Variants in PPP1R42 observed in about 807,000 individuals in gnomAD.
PPP1R42 encodes leucine rich repeat containing 67.
A neutral mutation model predicts 31.0 loss-of-function variants in PPP1R42; 34 were observed. The ratio of observed to expected loss-of-function variants is 1.10; its 90% confidence interval spans 0.83 to 1.46. The LOEUF (loss-of-function observed/expected upper bound fraction) is 1.46. Among genes scored for constraint, PPP1R42 ranks in the 40% most tolerant of loss-of-function variants. PPP1R42 has a pLI of 0.00. For missense variants in PPP1R42, 268 were observed against 303.0 expected, an observed-to-expected ratio of 0.88 and a Z score of 0.86; for synonymous variants, 103 against 109.8, an observed-to-expected ratio of 0.94 and a Z score of 0.39.
intron 3 of PPP1R42, 45 bp downstream of exon 3, chr8:67,014,381 T>C: frequency 8.2e-7 from 1 of 1,213,386 alleles, no homozygotes; most frequent in Non-Finnish European, 1.1e-6. Flanking sequence ...GTAAGTACCA[T>C]AATCATAAAA....
chr8:66,998,424 A>G (rs1211958105), intron 5 of PPP1R42, among the ~76,000 whole-genome samples: 2 of 152,232 alleles, frequency 1.3e-5, no homozygotes, highest in African/African-American at 4.8e-5. Flanking sequence ...TTTGCTAAAT[A>G]CACTCCATAA....
intron 5 of PPP1R42, among the ~76,000 whole-genome samples, chr8:66,989,499 A>G (rs1267393292): frequency 2.0e-5 from 3 of 152,136 alleles, no homozygotes; most frequent in Non-Finnish European, 4.4e-5. Flanking sequence ...AAGTGGCCAA[A>G]GTTCTGTTCT....
At chr8:66,978,219 CAA>C (rs1814731847) in intron 7 of PPP1R42, among the ~76,000 whole-genome samples, 2 of 152,074 alleles carry the variant, frequency 1.3e-5, no homozygotes, top group Admixed American at 6.5e-5. Context: ...TGGTGGCAGA[CAA>C]GAGAGAATGA....
At chr8:67,015,321 A>G (rs918226297) in intron 2 of PPP1R42, among the ~76,000 whole-genome samples, 1 of 152,134 alleles carries the variant, frequency 6.6e-6, no homozygotes, top group African/African-American at 2.4e-5. Flanking sequence ...CCAGCCTCAT[A>G]GATTAATTTT....
rs530651706 is a variant in PPP1R42 at position 66,997,218 on chromosome 8, C to G, written c.553-8701G>C. Among the ~76,000 whole-genome samples the G allele has an allele frequency of 1.2e-4, 18 of 152,294 alleles. 1 individual carries two copies. The South Asian group carries it at 3.7e-3, about 32-fold the overall frequency. ...TGTTTCCTTAATCTTCATGGCCACC[C>G]TATGTCAATGCCACATTGTCTTGAT... On this transcript the variant is annotated intron_variant, in intron 5 of 7. Coordinates refer to ENST00000685739, the MANE Select transcript of PPP1R42 (RefSeq NM_001364910.1).
intron 6 of PPP1R42, chr8:66,984,234 C>T (rs2130926574): frequency 2.7e-6 from 4 of 1,502,822 alleles, no homozygotes; most frequent in Admixed American, 1.7e-5. Flanking sequence ...CTATAGGACA[C>T]TGTTTAAACT....
At chr8:66,995,973 A>C (rs1265323566) in intron 5 of PPP1R42, among the ~76,000 whole-genome samples, 1 of 152,212 alleles carries the variant, frequency 6.6e-6, no homozygotes, top group African/African-American at 2.4e-5. Flanking sequence ...TACTACCTCC[A>C]ACCCCTACTA....
At chr8:66,976,311 A>C (rs1173808516) in intron 7 of PPP1R42, among the ~76,000 whole-genome samples, 1 of 152,170 alleles carries the variant, frequency 6.6e-6, no homozygotes, top group Non-Finnish European at 1.5e-5. Flanking sequence ...ATTATACATT[A>C]CAGTGCAATG....
intron 4 of PPP1R42, among the ~76,000 whole-genome samples, chr8:67,012,455 C>T (rs1344194212): frequency 6.6e-6 from 1 of 152,052 alleles, no homozygotes; most frequent in Non-Finnish European, 1.5e-5. Flanking sequence ...GCCCCAACCC[C>T]AGGGCTCCCA....
Position 66,970,662 on chromosome 8 carries a change from T to A in PPP1R42, c.803-6328A>T, listed in dbSNP as rs570926134. Among the ~76,000 whole-genome samples, 212 of 152,302 alleles carry A rather than the reference T, an allele frequency of 1.4e-3. 1 individual carries two copies. The highest frequency in any genetic ancestry group is 4.6e-3 in the African/African-American group (192 of 41,566). ...CATCATCAGCTAGGCCTCAGGCTCC[T>A]TTGACAGAATCCCTGATCATTGAGA... On this transcript the variant is annotated intron_variant, in intron 7 of 7. Transcript: ENST00000685739.
At chr8:66,988,622 C>A in intron 5 of PPP1R42, 105 bp from the exon 6 acceptor site, 2 of 1,026,662 alleles carry the variant, frequency 1.9e-6, no homozygotes, top group Admixed American at 5.1e-5. Flanking sequence ...TCATGGAGTT[C>A]TAGCTCAGAG....
Position 66,973,900 on chromosome 8 carries a change from C to G in PPP1R42, c.802+8149G>C, listed in dbSNP as rs1021448679. ...TACCCTCAAGGCTCACCCATGTTGT[C>G]ACATATTGCAGAATTTCCTTTCTTT... On this transcript the variant is annotated intron_variant, in intron 7 of 7. Coordinates refer to ENST00000685739, the MANE Select transcript of PPP1R42 (RefSeq NM_001364910.1). Among the ~76,000 whole-genome samples the G allele has an allele frequency of 2.0e-5, 3 of 152,314 alleles. No homozygotes were observed. In the South Asian group the frequency reaches 6.2e-4, roughly 32 times the overall value.
At chr8:67,023,028 C>T (rs1396439402) in intron 1 of PPP1R42, among the ~76,000 whole-genome samples, 1 of 152,072 alleles carries the variant, frequency 6.6e-6, no homozygotes, top group Non-Finnish European at 1.5e-5. Flanking sequence ...GTAAGTCTCT[C>T]CATTTTGGTA....
intron 5 of PPP1R42, among the ~76,000 whole-genome samples, 175 bp from the exon 6 acceptor site, chr8:66,988,692 T>C (rs888172372): frequency 2.6e-5 from 4 of 152,168 alleles, no homozygotes; most frequent in South Asian, 4.1e-4. Flanking sequence ...ATACTGATAA[T>C]AGAAGGCACT....
At chr8:66,979,437 G>C (rs1814767366) in intron 7 of PPP1R42, among the ~76,000 whole-genome samples, 1 of 152,312 alleles carries the variant, frequency 6.6e-6, no homozygotes, top group African/African-American at 2.4e-5. Context: ...TGGGAGTTCT[G>C]AGGTAGGAGG....
chr8:67,011,401 C>G (rs1176736796), intron 4 of PPP1R42, among the ~76,000 whole-genome samples: 1 of 152,172 alleles, frequency 6.6e-6, no homozygotes, highest in African/African-American at 2.4e-5. Context: ...GTGCCACACG[C>G]CTGTAGTCCC....
intron 6 of PPP1R42, 35 bp downstream of exon 6, chr8:66,988,365 A>G (rs758693951): frequency 1.5e-6 from 2 of 1,331,568 alleles, no homozygotes; most frequent in South Asian, 2.2e-5. Context: ...ACTAGGTGTC[A>G]TTCTCTTAAA....
intron 7 of PPP1R42, chr8:66,968,357 G>T: frequency 2.4e-6 from 1 of 423,782 alleles, no homozygotes; most frequent in Non-Finnish European, 3.2e-6. Flanking sequence ...TAGGATACAG[G>T]CACAGCCCCC....
intron 5 of PPP1R42, among the ~76,000 whole-genome samples, chr8:66,991,023 C>T (rs1815174272): frequency 6.6e-6 from 1 of 152,098 alleles, no homozygotes; most frequent in South Asian, 2.1e-4. Flanking sequence ...TTTTTTATTT[C>T]CCTCATTCAT....
Sources: allele counts gnomAD v4.1 joint callset (sites outside exome capture counted in the v4.1 genomes callset), GRCh38; gene constraint gnomAD v4.1.1; transcripts MANE v1.5; gene names NCBI Gene and HGNC (gene_info 2026-07-23, HGNC 2026-07-21).